Variants in WWP1 observed in about 807,000 individuals in gnomAD.
The protein encoded by WWP1 is WW domain containing E3 ubiquitin protein ligase 1.
Under a neutral mutation model 130.6 loss-of-function variants are expected in WWP1, and 49 were observed. The ratio of observed to expected loss-of-function variants is 0.38; its 90% CI spans 0.30 to 0.48. The LOEUF (loss-of-function observed/expected upper bound fraction) is 0.48. Among genes scored for constraint, WWP1 ranks in the 20% least tolerant of loss-of-function variants. The pLI is 0.99. For synonymous variants in WWP1, 332 were observed against 367.8 expected, an observed-to-expected ratio of 0.90 and a Z score of 1.11; for missense variants, 809 against 1,100.6, an observed-to-expected ratio of 0.74 and a Z score of 3.75.
intron 1 of WWP1, among the ~76,000 whole-genome samples, chr8:86,345,184 A>T (rs1822498625): frequency 6.6e-6 from 1 of 152,224 alleles, no homozygotes; most frequent in Non-Finnish European, 1.5e-5. Context: ...ACTGATTCTG[A>T]TCCAGGTTGG....
rs1170942570 is a variant in WWP1 at position 86,442,734 on chromosome 8, G to A, written c.1954G>A (p.Asp652Asn). 6.2e-7 allele frequency: 1 copy of A among 1,611,170 alleles called. No homozygotes were observed. Among genetic ancestry groups the A allele is most frequent in the Non-Finnish European group, 8.5e-7 (1 of 1,178,966 alleles). Reference protein sequence around the residue: ...QINPASTINPDHLSYFCFIGR... With the variant: ...QINPASTINPNHLSYFCFIGR... ...AAATCCAGCATCAACCATTAATCCA[G>A]ACCATCTTTCATACTTCTGTTTCAT... is the stretch of plus-strand genomic sequence containing the variant. The change falls in exon 18 of 25, where the codon GAC becomes AAC. Residue 652 changes from aspartate (D) to asparagine (N), a missense_variant. Physicochemically the swap from Asp to Asn is conservative, Grantham distance 23 (BLOSUM62 1). This residue lies in a region of WWP1 where 450 missense variants were observed against 674.2 expected (regional missense o/e 0.67). Transcript: ENST00000517970.
chr8:86,346,184 G>GT (rs1586222427), intron 1 of WWP1, among the ~76,000 whole-genome samples: 1 of 152,184 alleles, frequency 6.6e-6, no homozygotes, highest in Non-Finnish European at 1.5e-5. Flanking sequence ...GATGAATTGG[G>GT]TAGAGAAGAG....
chr8:86,456,762 A>C (rs916331705), intron 21 of WWP1, among the ~76,000 whole-genome samples: 1 of 152,036 alleles, frequency 6.6e-6, no homozygotes, highest in South Asian at 2.1e-4. Flanking sequence ...AATACTATTC[A>C]GTGATAGAAA....
At position 86,346,891 on chromosome 8, in the gene WWP1, A is replaced by C. The variant is rs190424061; in HGVS notation, c.-115+3961A>C. Among the ~76,000 whole-genome samples the C allele has an allele frequency of 7.4e-4, 113 of 152,358 alleles. 1 individual carries two copies. The South Asian group carries it at 8.9e-3, about 12-fold the overall frequency. ...GGCATTAAGAATTGTACTATACCTT[A>C]TGTTAGTATAGCATTTCACATTTGT... is the stretch of plus-strand genomic sequence containing the variant. On this transcript the variant is annotated intron_variant, in intron 1 of 24. Coordinates refer to ENST00000517970, the MANE Select transcript of WWP1 (RefSeq NM_007013.4).
chr8:86,381,714 T>G lies in WWP1; in HGVS notation c.334+85T>G, dbSNP rs1824997715. 22 of 1,314,866 alleles carry G rather than the reference T, an allele frequency of 1.7e-5. No homozygotes were observed. The South Asian group carries it at 4.0e-4, about 24-fold the overall frequency. 81.4% of individuals were successfully genotyped at this position (1,314,866 alleles called of 1,614,324 possible). A position where few individuals can be genotyped will look rare whatever the true frequency, so the allele number is the denominator to read the frequency against. Reference sequence around the variant, plus strand: ...ATCCTGAATCCTAAAAGCAAAAACATAGTTTTGTATCCATAAAGAACTTCA... The same window carrying G: ...ATCCTGAATCCTAAAAGCAAAAACAGAGTTTTGTATCCATAAAGAACTTCA... On this transcript the variant is annotated intron_variant, in intron 5 of 24. Coordinates refer to ENST00000517970, the MANE Select transcript of WWP1 (RefSeq NM_007013.4).
At chr8:86,442,389 A>T (rs1465217532) in intron 17 of WWP1, 1 of 311,162 alleles carries the variant, frequency 3.2e-6, no homozygotes, top group African/African-American at 2.1e-5. Context: ...TAAGCATGTT[A>T]TATCTATATG....
chr8:86,397,882 G>A (rs1017092242), intron 5 of WWP1, among the ~76,000 whole-genome samples: 3 of 152,174 alleles, frequency 2.0e-5, no homozygotes. Flanking sequence ...CCTCAACACT[G>A]TCCCTTTAGT....
At chr8:86,449,234 G>A (rs1352450839) in intron 20 of WWP1, among the ~76,000 whole-genome samples, 11 of 152,058 alleles carry the variant, frequency 7.2e-5, no homozygotes. Context: ...TAAATATTCT[G>A]CTAACATAGC....
intron 7 of WWP1, among the ~76,000 whole-genome samples, chr8:86,401,152 A>G (rs1321198323): frequency 6.6e-6 from 1 of 151,958 alleles, no homozygotes; most frequent in South Asian, 2.1e-4. Context: ...CTGGGGTATA[A>G]TATTTAGCTT....
chr8:86,425,000 C>T lies in WWP1; in HGVS notation c.1062-223C>T, dbSNP rs111636903. The stretch of plus-strand genomic sequence containing the variant: ...CTAACTATACTTTGAGTTTCCAATA[C>T]TGTAATAAAAAGGGAATAATTAAGA... On this transcript the variant is annotated intron_variant, in intron 9 of 24. Coordinates refer to ENST00000517970, the MANE Select transcript of WWP1 (RefSeq NM_007013.4). Among the ~76,000 whole-genome samples, 354 of 151,952 alleles carry T rather than the reference C, an allele frequency of 2.3e-3. 5 individuals are homozygous for T. The highest frequency in any genetic ancestry group is 8.0e-3 in the African/African-American group (330 of 41,434).
At chr8:86,433,866 C>T (rs189701283) in intron 14 of WWP1, among the ~76,000 whole-genome samples, 3 of 151,830 alleles carry the variant, frequency 2.0e-5, no homozygotes, top group Admixed American at 6.6e-5. Flanking sequence ...TGCAGTGAGC[C>T]GAGATTGCAC....
intron 18 of WWP1, among the ~76,000 whole-genome samples, chr8:86,444,410 G>C (rs560205822): frequency 6.6e-4 from 100 of 152,286 alleles, no homozygotes; most frequent in Non-Finnish European, 1.2e-3. Context: ...TATTTAGTTT[G>C]GAGATAGGCA....
At chr8:86,399,373 T>C (rs1220031337) in intron 7 of WWP1, among the ~76,000 whole-genome samples, 1 of 152,204 alleles carries the variant, frequency 6.6e-6, no homozygotes, top group East Asian at 1.9e-4. Context: ...TGACAATTAA[T>C]AGAGGTTTTT....
intron 23 of WWP1, 96 bp downstream of exon 23, chr8:86,461,416 C>T: frequency 3.7e-6 from 4 of 1,075,650 alleles, no homozygotes; most frequent in Non-Finnish European, 5.6e-6. Context: ...AAAGATTACT[C>T]TTCTGTGCTG....
intron 18 of WWP1, among the ~76,000 whole-genome samples, chr8:86,445,951 CTTTTCT>C (rs1212547049): frequency 2.7e-4 from 25 of 92,086 alleles, no homozygotes; most frequent in East Asian, 2.6e-3. Context: ...GCTTATATGT[CTTTTCT>C]TTTCTTTTCT....
At chr8:86,358,403 T>C (rs1823375221) in intron 1 of WWP1, among the ~76,000 whole-genome samples, 4 of 152,172 alleles carry the variant, frequency 2.6e-5, no homozygotes, top group Admixed American at 6.5e-5. Context: ...ATTGTTGTCT[T>C]AGCAGTTAAC....
chr8:86,363,722 G>A (rs1029006136), intron 1 of WWP1, among the ~76,000 whole-genome samples: 6 of 150,948 alleles, frequency 4.0e-5, no homozygotes, highest in African/African-American at 9.8e-5. Flanking sequence ...CTTGAACCTG[G>A]GAGGCAGAGG....
chr8:86,464,989 G>T (rs1270165278), intron 24 of WWP1, among the ~76,000 whole-genome samples: 1 of 152,124 alleles, frequency 6.6e-6, no homozygotes, highest in Non-Finnish European at 1.5e-5. Context: ...CAAATTTTGT[G>T]AAAGGAAAGT....
intron 3 of WWP1, among the ~76,000 whole-genome samples, chr8:86,376,058 G>A (rs1181759170): frequency 4.6e-5 from 7 of 152,168 alleles, no homozygotes; most frequent in Non-Finnish European, 8.8e-5. Context: ...TGAATAATGG[G>A]CATCTATTTT....
Sources: gnomAD v4.1 joint callset for allele counts (sites outside exome capture counted in the v4.1 genomes callset) on GRCh38, gnomAD v4.1.1 for gene constraint, gnomAD v4.1.1 regional missense constraint, MANE v1.5 for transcripts, NCBI Gene and HGNC (gene_info 2026-07-23, HGNC 2026-07-21) for gene names.